The following ERG variants were observed in gnomAD, a reference collection of about 807,000 sequenced individuals.
ERG encodes the protein ETS transcription factor ERG, also known as transcriptional regulator ERG.
A neutral mutation model predicts 55.3 loss-of-function variants in ERG; 9 were observed. The ratio of observed to expected loss-of-function variants is 0.16; its 90% CI spans 0.10 to 0.28. ERG has a LOEUF of 0.28. Ranked by LOEUF, ERG falls within the 10% of genes least tolerant of loss-of-function variation. The probability of loss-of-function intolerance (pLI) is 1.00; values close to 1 mark genes in which losing one functional copy is unlikely to be tolerated. For synonymous variants in ERG, 223 were observed against 237.3 expected, an observed-to-expected ratio of 0.94 and a Z score of 0.55; for missense variants, 434 against 631.6, an observed-to-expected ratio of 0.69 and a Z score of 3.35.
intron 9 of ERG, 123 bp from the exon 10 acceptor site, chr21:38,384,046 T>C (rs1987574367): frequency 1.6e-6 from 2 of 1,256,222 alleles, no homozygotes; most frequent in East Asian, 2.5e-5. Flanking sequence ...ACCAGGCCTG[T>C]CCGTCCATCC....
intron 2 of ERG, among the ~76,000 whole-genome samples, chr21:38,543,723 A>T (rs1158942849): frequency 1.4e-5 from 2 of 146,346 alleles, no homozygotes; most frequent in Admixed American, 7.0e-5. Context: ...AGACAGGGTG[A>T]TGTGTGAGAA....
chr21:38,632,451 C>A (rs2060362388), intron 1 of ERG, among the ~76,000 whole-genome samples: 1 of 152,188 alleles, frequency 6.6e-6, no homozygotes, highest in Admixed American at 6.5e-5. Context: ...TGTGTCTCCA[C>A]CCAAGTCTCA....
At chr21:38,557,615 A>G (rs1395150283) in intron 2 of ERG, among the ~76,000 whole-genome samples, 1 of 152,324 alleles carries the variant, frequency 6.6e-6, no homozygotes, top group Non-Finnish European at 1.5e-5. Flanking sequence ...AACAATTTAG[A>G]CGTCTTGGCA....
At chr21:38,579,899 C>A (rs1333002527) in intron 1 of ERG, among the ~76,000 whole-genome samples, 3 of 151,824 alleles carry the variant, frequency 2.0e-5, no homozygotes, top group Non-Finnish European at 4.4e-5. Flanking sequence ...CGGCTCACTG[C>A]AACCTCTGCC....
chr21:38,502,203 C>T (rs973598464), upstream of ERG, among the ~76,000 whole-genome samples: 6 of 152,248 alleles, frequency 3.9e-5, no homozygotes, highest in East Asian at 7.7e-4. Context: ...ATGGAACGCC[C>T]TTCCTCCTCA....
intron 2 of ERG, among the ~76,000 whole-genome samples, chr21:38,548,799 T>C (rs1364979635): frequency 2.0e-5 from 3 of 149,306 alleles, no homozygotes; most frequent in Non-Finnish European, 4.5e-5. Context: ...TGAACAGTTA[T>C]TTGTAGAAAC....
chr21:38,659,921 A>AT (rs887186222), intron 1 of ERG, among the ~76,000 whole-genome samples: 5 of 152,164 alleles, frequency 3.3e-5, no homozygotes, highest in Admixed American at 2.0e-4. Context: ...TACAGACTAT[A>AT]TTTTTTTTAA....
intron 1 of ERG, among the ~76,000 whole-genome samples, chr21:38,449,724 A>G (rs1029334820): frequency 3.3e-5 from 5 of 152,246 alleles, no homozygotes; most frequent in African/African-American, 7.2e-5. Flanking sequence ...CCAAAGTATT[A>G]GAAAATAAAG....
intron 1 of ERG, among the ~76,000 whole-genome samples, chr21:38,479,592 G>A (rs2059218880): frequency 6.6e-6 from 1 of 152,130 alleles, no homozygotes. Flanking sequence ...AAGCAGAGAC[G>A]GAAGGGATGC....
intron 1 of ERG, among the ~76,000 whole-genome samples, chr21:38,581,135 C>T (rs1223489114): frequency 6.6e-6 from 1 of 152,130 alleles, no homozygotes; most frequent in Non-Finnish European, 1.5e-5. Context: ...ACTCTGGGTG[C>T]CCCAGCACCT....
intron 1 of ERG, among the ~76,000 whole-genome samples, chr21:38,601,550 A>T (rs1324530383): frequency 1.3e-5 from 2 of 152,210 alleles, no homozygotes. Context: ...GATTGGAATC[A>T]CAACTAAATA....
At chr21:38,484,124 C>T (rs570395080) in intron 1 of ERG, among the ~76,000 whole-genome samples, 1 of 152,232 alleles carries the variant, frequency 6.6e-6, no homozygotes, top group Non-Finnish European at 1.5e-5. Context: ...GTCTTGACGC[C>T]TGGCTAATTT....
At chr21:38,528,846 A>G (rs533287628) in intron 2 of ERG, among the ~76,000 whole-genome samples, 2 of 152,306 alleles carry the variant, frequency 1.3e-5, no homozygotes, top group East Asian at 3.9e-4. Flanking sequence ...TTTAAGCTTC[A>G]TTGAGAGAAC....
chr21:38,458,694 A>C (rs1162129948), intron 1 of ERG, among the ~76,000 whole-genome samples: 1 of 152,162 alleles, frequency 6.6e-6, no homozygotes, highest in Non-Finnish European at 1.5e-5. Flanking sequence ...TTCAAGCAAG[A>C]GTCGTGTGTT....
chr21:38,597,063 T>C (rs944966871), intron 1 of ERG, among the ~76,000 whole-genome samples: 6 of 152,246 alleles, frequency 3.9e-5, no homozygotes, highest in African/African-American at 1.4e-4. Flanking sequence ...TAATATCTTC[T>C]TCTTCCTGCA....
Position 38,382,510 on chromosome 21 carries a change from C to T in ERG, c.*893G>A. 1 of 1,065,260 alleles carries T rather than the reference C, an allele frequency of 9.4e-7. No individual in the cohort carries two copies. The highest frequency in any genetic ancestry group is 1.1e-6 in the Non-Finnish European group (1 of 878,942). The allele number at this position is 1,065,260 out of a possible 1,614,324, so 66.0% of individuals were successfully genotyped here. Reference sequence around the variant, plus strand: ...TTTTTGTTTCTGAATTCTACTACTTCCCCTTTCTCCATTACGCTGTGTCCT... The same window carrying T: ...TTTTTGTTTCTGAATTCTACTACTTTCCCTTTCTCCATTACGCTGTGTCCT... On this transcript the variant is annotated 3_prime_UTR_variant, in exon 10 of 10. Transcript: ENST00000288319.
At chr21:38,404,144 C>T (rs1262033742) in intron 3 of ERG, among the ~76,000 whole-genome samples, 2 of 151,922 alleles carry the variant, frequency 1.3e-5, no homozygotes, top group African/African-American at 4.8e-5. Flanking sequence ...CAGGAAGGTG[C>T]TAATTACAGA....
intron 1 of ERG, among the ~76,000 whole-genome samples, chr21:38,661,066 G>A (rs1456828990): frequency 6.6e-6 from 1 of 151,862 alleles, no homozygotes; most frequent in Non-Finnish European, 1.5e-5. Flanking sequence ...CAGAGGCTGG[G>A]ACGGCCGGAG....
downstream of ERG, among the ~76,000 whole-genome samples, chr21:38,376,899 C>T (rs1414033678): frequency 6.6e-6 from 1 of 152,210 alleles, no homozygotes; most frequent in Non-Finnish European, 1.5e-5. Flanking sequence ...AACCAAAGGG[C>T]GCAGCAAGGA....
Sources: allele counts gnomAD v4.1 joint callset (sites outside exome capture counted in the v4.1 genomes callset), GRCh38; gene constraint gnomAD v4.1.1; transcripts MANE v1.5; gene names NCBI Gene and HGNC (gene_info 2026-07-23, HGNC 2026-07-21).